Variants in CNTN5 observed in about 807,000 individuals in gnomAD.
The protein encoded by CNTN5 is contactin-5.
A neutral mutation model predicts 129.1 loss-of-function variants in CNTN5; 77 were observed. That is an observed-to-expected ratio of 0.60 (90% CI 0.50 to 0.72). CNTN5 has a LOEUF of 0.72. Among genes scored for constraint, CNTN5 ranks in the 30% least tolerant of loss-of-function variants. The probability of loss-of-function intolerance (pLI) is 0.00; values close to 1 mark genes in which losing one functional copy is unlikely to be tolerated. For synonymous variants in CNTN5, 509 were observed against 465.6 expected (o/e 1.09, Z -1.20); for missense variants, 1,478 against 1,328.8 (o/e 1.11, Z -1.75).
At chr11:99,396,749 T>G (rs981816609) in intron 2 of CNTN5, among the ~76,000 whole-genome samples, 1 of 151,758 alleles carries the variant, frequency 6.6e-6, no homozygotes, top group Non-Finnish European at 1.5e-5. Context: ...TTTCATGTTT[T>G]ATTTTAATAT....
intron 6 of CNTN5, among the ~76,000 whole-genome samples, chr11:99,903,659 A>G (rs1416910661): frequency 6.6e-6 from 1 of 152,150 alleles, no homozygotes; most frequent in African/African-American, 2.4e-5. Context: ...CTAGTAGATA[A>G]TAACTGCCAT....
chr11:99,215,048 T>C (rs188543041), intron 1 of CNTN5, among the ~76,000 whole-genome samples: 1 of 152,120 alleles, frequency 6.6e-6, no homozygotes, highest in East Asian at 1.9e-4. Flanking sequence ...AAAATGAAGA[T>C]AATGGGTTTC....
At chr11:100,310,265 C>T (rs148066162) in intron 21 of CNTN5, among the ~76,000 whole-genome samples, 13 of 151,952 alleles carry the variant, frequency 8.6e-5, no homozygotes, top group African/African-American at 2.4e-4. Context: ...TTCTGGTGCA[C>T]GGAAGAGTGA....
In CNTN5 at chr11:99,267,416, C is replaced by G. The variant is rs192166971; in HGVS notation, c.-209-57930C>G. ...TTAATGTAAATTTCAATCTTTCTAA[C>G]GCTTATATTTTTGGTATCTATGTTA... On this transcript the variant is annotated intron_variant, in intron 1 of 24. Transcript: ENST00000524871. 3.3e-5 allele frequency among the ~76,000 whole-genome samples: 5 copies of G among 151,856 alleles called. No individual in the cohort carries two copies. The East Asian group carries it at 9.7e-4, about 30-fold the overall frequency.
intron 2 of CNTN5, among the ~76,000 whole-genome samples, chr11:99,406,783 G>A (rs556419286): frequency 2.6e-5 from 4 of 152,132 alleles, no homozygotes; most frequent in South Asian, 2.1e-4. Flanking sequence ...GCTTTTTTCC[G>A]CTCTTCTCTC....
At chr11:99,421,923 T>C (rs1942905409) in intron 2 of CNTN5, among the ~76,000 whole-genome samples, 2 of 152,170 alleles carry the variant, frequency 1.3e-5, no homozygotes, top group African/African-American at 4.8e-5. Flanking sequence ...TTTACATGCA[T>C]CACAAATTTT....
At chr11:99,210,226 C>T (rs1859698556) in intron 1 of CNTN5, among the ~76,000 whole-genome samples, 2 of 152,166 alleles carry the variant, frequency 1.3e-5, no homozygotes, top group East Asian at 3.9e-4. Flanking sequence ...TAATTTATAG[C>T]ATGAGAATCC....
intron 9 of CNTN5, among the ~76,000 whole-genome samples, chr11:100,023,777 G>A (rs1437033471): frequency 6.6e-6 from 1 of 151,880 alleles, no homozygotes; most frequent in Non-Finnish European, 1.5e-5. Flanking sequence ...TTTTCAGGTT[G>A]GCCTTTTTAA....
At chr11:99,355,203 T>G (rs1300139172) in intron 2 of CNTN5, among the ~76,000 whole-genome samples, 2 of 152,212 alleles carry the variant, frequency 1.3e-5, no homozygotes, top group African/African-American at 4.8e-5. Context: ...TATCAATGCA[T>G]GTATTATTTG....
intron 1 of CNTN5, among the ~76,000 whole-genome samples, chr11:99,228,424 A>G (rs1171083482): frequency 6.6e-6 from 1 of 152,056 alleles, no homozygotes; most frequent in Non-Finnish European, 1.5e-5. Flanking sequence ...TTAATAGCAG[A>G]GCAGGGTGAT....
chr11:99,282,686 A>G (rs1199052021), intron 1 of CNTN5, among the ~76,000 whole-genome samples: 2 of 152,092 alleles, frequency 1.3e-5, no homozygotes, highest in Non-Finnish European at 1.5e-5. Flanking sequence ...CAGAAAAGTT[A>G]CCACTGACTG....
intron 1 of CNTN5, among the ~76,000 whole-genome samples, chr11:99,053,563 T>C (rs978365034): frequency 6.6e-6 from 1 of 151,958 alleles, no homozygotes; most frequent in African/African-American, 2.4e-5. Context: ...CAAATTGTTT[T>C]CTCTACTTCT....
intron 8 of CNTN5, among the ~76,000 whole-genome samples, chr11:99,979,010 T>G (rs1220933640): frequency 2.6e-5 from 4 of 152,220 alleles, no homozygotes; most frequent in Non-Finnish European, 4.4e-5. Context: ...ACCCACTCTC[T>G]CTAAACTTTA....
At chr11:99,145,465 A>T (rs1265897840) in intron 1 of CNTN5, among the ~76,000 whole-genome samples, 1 of 152,036 alleles carries the variant, frequency 6.6e-6, no homozygotes, top group Non-Finnish European at 1.5e-5. Flanking sequence ...TGTAGTCTAC[A>T]TATAATTTCT....
At chr11:99,704,694 A>G (rs1954676812) in intron 3 of CNTN5, among the ~76,000 whole-genome samples, 1 of 151,238 alleles carries the variant, frequency 6.6e-6, no homozygotes, top group Non-Finnish European at 1.5e-5. Context: ...TTATCTATAT[A>G]TGCATTCTAT....
chr11:99,059,775 C>A (rs190287149), intron 1 of CNTN5, among the ~76,000 whole-genome samples: 5 of 152,082 alleles, frequency 3.3e-5, no homozygotes, highest in Admixed American at 3.3e-4. Context: ...TGGTTATTTT[C>A]TCTTCTTATT....
intron 3 of CNTN5, among the ~76,000 whole-genome samples, chr11:99,614,156 A>G (rs527377087): frequency 1.3e-5 from 2 of 152,338 alleles, no homozygotes; most frequent in Admixed American, 1.3e-4. Flanking sequence ...AAATGTAGCA[A>G]CAAGCTGTAA....
At chr11:99,354,407 A>C (rs951512907) in intron 2 of CNTN5, among the ~76,000 whole-genome samples, 8 of 152,180 alleles carry the variant, frequency 5.3e-5, no homozygotes, top group African/African-American at 1.9e-4. Context: ...ATAAGCCTAA[A>C]ATTTTTTGAA....
At chr11:100,293,518 C>A (rs894357135) in intron 18 of CNTN5, among the ~76,000 whole-genome samples, 1 of 151,844 alleles carries the variant, frequency 6.6e-6, no homozygotes, top group Non-Finnish European at 1.5e-5. Context: ...GAAGACTTCA[C>A]CACTTTCTCT....
Sources: allele counts gnomAD v4.1 joint callset (sites outside exome capture counted in the v4.1 genomes callset), GRCh38; gene constraint gnomAD v4.1.1; transcripts MANE v1.5; gene names NCBI Gene and HGNC (gene_info 2026-07-23, HGNC 2026-07-21).